Variants in XRCC5 observed in about 807,000 individuals in gnomAD.
XRCC5 encodes X-ray repair cross complementing 5.
In XRCC5, 12 loss-of-function variants were observed where a neutral mutation model predicts 95.7. That is an observed-to-expected ratio of 0.13 (90% CI 0.08 to 0.20). The LOEUF (loss-of-function observed/expected upper bound fraction) is 0.20. Among genes scored for constraint, XRCC5 ranks in the 10% least tolerant of loss-of-function variants. The pLI is 1.00. For synonymous variants in XRCC5, 281 were observed against 290.3 expected, an observed-to-expected ratio of 0.97 and a Z score of 0.33; for missense variants, 595 against 873.9, an observed-to-expected ratio of 0.68 and a Z score of 4.02.
intron 1 of XRCC5, among the ~76,000 whole-genome samples, chr2:216,111,135 C>T (rs1173257142): frequency 2.6e-5 from 4 of 152,142 alleles, no homozygotes; most frequent in East Asian, 3.8e-4. Flanking sequence ...TTTTATCCCT[C>T]GTATGGAGTC....
intron 16 of XRCC5, among the ~76,000 whole-genome samples, 182 bp downstream of exon 16, chr2:216,162,230 C>T (rs956515350): frequency 6.6e-6 from 1 of 152,180 alleles, no homozygotes; most frequent in African/African-American, 2.4e-5. Context: ...TGAAAGTGAA[C>T]TCAGCACAGA....
intron 6 of XRCC5, among the ~76,000 whole-genome samples, chr2:216,125,711 T>C (rs1335424389): frequency 6.6e-6 from 1 of 152,196 alleles, no homozygotes; most frequent in Non-Finnish European, 1.5e-5. Flanking sequence ...GTAAAGTAAT[T>C]CAGCTCCTCT....
chr2:216,126,211 A>G (rs1234965863), intron 7 of XRCC5, among the ~76,000 whole-genome samples, 180 bp downstream of exon 7: 11 of 152,248 alleles, frequency 7.2e-5, no homozygotes, highest in Admixed American at 5.9e-4. Context: ...TAGGAGAGGA[A>G]GTTTAAAGAA....
intron 14 of XRCC5, among the ~76,000 whole-genome samples, chr2:216,158,136 G>A (rs1688881910): frequency 6.6e-6 from 1 of 152,172 alleles, no homozygotes. Context: ...TTCTTCATGT[G>A]ATTCAACTTC....
intron 4 of XRCC5, 137 bp from the exon 5 acceptor site, chr2:216,118,906 G>T: frequency 1.1e-6 from 1 of 892,916 alleles, no homozygotes; most frequent in Non-Finnish European, 1.7e-6. Context: ...GAACTTAATT[G>T]GACTACTAGA....
At chr2:216,173,672 G>T (rs58717857) in intron 16 of XRCC5, among the ~76,000 whole-genome samples, 5,972 of 152,264 alleles carry the variant, frequency 0.039, 398 homozygotes, top group African/African-American at 0.14. Flanking sequence ...ACGGTGTTGA[G>T]AGGTGGGACC....
At chr2:216,162,878 A>G (rs1217575218) in intron 16 of XRCC5, among the ~76,000 whole-genome samples, 1 of 152,192 alleles carries the variant, frequency 6.6e-6, no homozygotes, top group Non-Finnish European at 1.5e-5. Flanking sequence ...TAACATAAAA[A>G]TAGCTTTCAG....
intron 6 of XRCC5, among the ~76,000 whole-genome samples, chr2:216,125,080 G>T (rs1251906180): frequency 6.6e-6 from 1 of 151,918 alleles, no homozygotes; most frequent in Non-Finnish European, 1.5e-5. Context: ...ATAAAAATGT[G>T]TATCTTTAAT....
chr2:216,146,765 A>G (rs553652156), intron 13 of XRCC5, among the ~76,000 whole-genome samples: 1 of 152,158 alleles, frequency 6.6e-6, no homozygotes, highest in Non-Finnish European at 1.5e-5. Context: ...CTTCACTCAC[A>G]TGGGCAGTGG....
chr2:216,151,941 G>A (rs1688753260), intron 14 of XRCC5, among the ~76,000 whole-genome samples: 1 of 152,212 alleles, frequency 6.6e-6, no homozygotes, highest in Non-Finnish European at 1.5e-5. Flanking sequence ...ATGGCAGAAG[G>A]CGAGGGAGAA....
At chr2:216,139,125 C>A (rs950860165) in intron 12 of XRCC5, among the ~76,000 whole-genome samples, 1 of 151,984 alleles carries the variant, frequency 6.6e-6, no homozygotes, top group Non-Finnish European at 1.5e-5. Context: ...CTGATAATTC[C>A]AAAATTTAAA....
At chr2:216,179,072 A>G (rs1689332539) in intron 16 of XRCC5, among the ~76,000 whole-genome samples, 1 of 152,220 alleles carries the variant, frequency 6.6e-6, no homozygotes, top group Middle Eastern at 3.2e-3. Flanking sequence ...TGAGTGCCTT[A>G]AAGCAGTGGA....
At chr2:216,135,343 A>G (rs1049811039) in intron 10 of XRCC5, among the ~76,000 whole-genome samples, 1 of 150,898 alleles carries the variant, frequency 6.6e-6, no homozygotes, top group Non-Finnish European at 1.5e-5. Flanking sequence ...GCTAGGAGGT[A>G]ATGGTATGAG....
At chr2:216,125,856 C>A in intron 6 of XRCC5, 61 bp from the exon 7 acceptor site, 1 of 1,320,958 alleles carries the variant, frequency 7.6e-7, no homozygotes, top group South Asian at 1.2e-5. Flanking sequence ...TCAAATGCAT[C>A]ATCCAGCACA....
intron 16 of XRCC5, among the ~76,000 whole-genome samples, chr2:216,163,592 G>A (rs1053043779): frequency 3.3e-5 from 5 of 152,122 alleles, no homozygotes; most frequent in African/African-American, 4.8e-5. Flanking sequence ...ATGAGCCACC[G>A]TGCCCGGCCC....
chr2:216,116,194 C>G (rs1406953879), intron 2 of XRCC5, among the ~76,000 whole-genome samples: 2 of 152,068 alleles, frequency 1.3e-5, no homozygotes, highest in African/African-American at 2.4e-5. Context: ...GTGTAAACTT[C>G]CTATCTGTAC....
Position 216,188,799 on chromosome 2 carries a change from TTCTC to T in XRCC5, c.1835-1420_1835-1417del, listed in dbSNP as rs762966820. 7.9e-5 allele frequency among the ~76,000 whole-genome samples: 12 copies of T among 152,362 alleles called. No homozygotes were observed. The East Asian group carries it at 1.7e-3, about 22-fold the overall frequency. On this transcript the variant is annotated intron_variant, in intron 16 of 20. Coordinates refer to ENST00000392132, the MANE Select transcript of XRCC5 (RefSeq NM_021141.4). ...TTGTTTAAAAAGGTTCATCTGAACA[TTCTC>T]TCTCTATTTTGAATTGTAATTGGAT...
intron 13 of XRCC5, among the ~76,000 whole-genome samples, chr2:216,143,957 G>A (rs570586475): frequency 1.3e-5 from 2 of 151,644 alleles, no homozygotes; most frequent in African/African-American, 2.4e-5. Context: ...CTTGTGATCC[G>A]CCCGCCTCGG....
chr2:216,183,006 G>T (rs2106041438), intron 16 of XRCC5, among the ~76,000 whole-genome samples: 1 of 152,242 alleles, frequency 6.6e-6, no homozygotes, highest in East Asian at 1.9e-4. Flanking sequence ...TTAAGAAGAG[G>T]AATATTATTC....
Sources: gnomAD v4.1 joint callset for allele counts (sites outside exome capture counted in the v4.1 genomes callset) on GRCh38, gnomAD v4.1.1 for gene constraint, MANE v1.5 for transcripts, NCBI Gene and HGNC (gene_info 2026-07-23, HGNC 2026-07-21) for gene names.